The following NDE1 variants were observed in gnomAD, a reference collection of about 807,000 sequenced individuals.
NDE1 encodes the protein nudE neurodevelopment protein 1.
NDE1 carries 28 observed loss-of-function variants against 43.4 expected under a neutral mutation model. The ratio of observed to expected loss-of-function variants is 0.65; its 90% CI spans 0.48 to 0.89. The LOEUF (loss-of-function observed/expected upper bound fraction) is 0.89, where lower values mean the gene tolerates loss of function less well. NDE1 is among the 40% of genes least tolerant of loss of function. The probability of loss-of-function intolerance (pLI) is 0.00; values close to 1 mark genes in which losing one functional copy is unlikely to be tolerated. For missense variants in NDE1, 441 were observed against 434.1 expected (o/e 1.02, Z -0.14); for synonymous variants, 184 against 172.0 (o/e 1.07, Z -0.55).
At position 15,724,857 on chromosome 16, in the gene NDE1, G is replaced by A. The variant is rs2040671100; in HGVS notation, c.*606G>A. On this transcript the variant is annotated 3_prime_UTR_variant, in exon 9 of 9. Coordinates refer to ENST00000396354, the MANE Select transcript of NDE1 (RefSeq NM_017668.3). ...CTGCCCCGAGGAAGGCCACCCCCCA[G>A]GTCCCCTGGATGATGTGGCAGGACA... 6.2e-7 allele frequency: 1 copy of A among 1,613,834 alleles called. No homozygotes were observed. The highest frequency in any genetic ancestry group is 8.5e-7 in the Non-Finnish European group (1 of 1,179,968).
At chr16:15,677,452 G>A (rs989817413) in intron 3 of NDE1, among the ~76,000 whole-genome samples, 2 of 152,070 alleles carry the variant, frequency 1.3e-5, no homozygotes, top group Non-Finnish European at 1.5e-5. Context: ...CACTATTGTT[G>A]GTGGGTGGCT....
intron 8 of NDE1, chr16:15,714,827 T>C: frequency 6.4e-7 from 1 of 1,550,512 alleles, no homozygotes. Context: ...CAAGGGGCAT[T>C]TGCAGGCCGA....
In NDE1 at chr16:15,703,831, T is replaced by C. The variant is rs773950514; in HGVS notation, c.947+6971T>C. On this transcript the variant is annotated intron_variant, in intron 8 of 8. Transcript: ENST00000396354. ...GGTGGTGGTTTTTATATTCCTTGTG[T>C]GAGGGGTGTCTGTGATATTTGGAAT... is the stretch of plus-strand genomic sequence containing the variant. 7 of 958,472 alleles carry C rather than the reference T, an allele frequency of 7.3e-6. No individual in the cohort carries two copies. In the African/African-American group the frequency reaches 1.1e-4, roughly 15 times the overall value. 59.4% of individuals were successfully genotyped at this position (958,472 alleles called of 1,614,324 possible). A position where few individuals can be genotyped will look rare whatever the true frequency, so the allele number is the denominator to read the frequency against.
Position 15,667,432 on chromosome 16 carries a change from C to G in NDE1, c.230C>G (p.Thr77Ser). The G allele has an allele frequency of 6.2e-7, 1 of 1,613,744 alleles. No homozygotes were observed. The highest frequency in any genetic ancestry group is 8.5e-7 in the Non-Finnish European group (1 of 1,179,844). The change falls in exon 3 of 9, where the codon ACC becomes AGC. Residue 77 changes from threonine (T) to serine (S), a missense_variant. Transcript: ENST00000396354. ...ENNRLRMELE[T>S]IKEKFEVQHS... ...AACCGCCTTCGCATGGAGCTGGAAA[C>G]CATCAAGGTGAGGGGCTGAGAGGAA...
chr16:15,646,192 A>G (rs2036325873), upstream of NDE1, among the ~76,000 whole-genome samples: 1 of 152,238 alleles, frequency 6.6e-6, no homozygotes, highest in Non-Finnish European at 1.5e-5. Flanking sequence ...AGGCAACACC[A>G]GTACCTCATC....
chr16:15,644,233 A>G (rs1040630420), intron 1 of NDE1, among the ~76,000 whole-genome samples: 1 of 152,250 alleles, frequency 6.6e-6, no homozygotes, highest in Admixed American at 6.5e-5. Flanking sequence ...TTTGCAAAAG[A>G]ATCAGTAAGT....
At chr16:15,707,689 C>A (rs2039530479) in intron 8 of NDE1, among the ~76,000 whole-genome samples, 1 of 152,194 alleles carries the variant, frequency 6.6e-6, no homozygotes, top group African/African-American at 2.4e-5. Context: ...GGCCTAACTT[C>A]ACCTGTGAAA....
exon 1 of NDE1, chr16:15,643,900 G>T (rs1596528489): frequency 6.5e-6 from 1 of 152,786 alleles, no homozygotes. Context: ...CCAGTGACAG[G>T]TTGGGCGAGC....
chr16:15,710,688 G>GTTT (rs202074294), intron 8 of NDE1, among the ~76,000 whole-genome samples: 1 of 147,516 alleles, frequency 6.8e-6, no homozygotes, highest in Admixed American at 6.8e-5. Context: ...TTTGTTTTTT[G>GTTT]TTTTTTTTTT....
intron 8 of NDE1, among the ~76,000 whole-genome samples, chr16:15,716,193 A>G (rs2040123826): frequency 6.6e-6 from 1 of 152,150 alleles, no homozygotes; most frequent in Admixed American, 6.5e-5. Flanking sequence ...TCAGCCTCCC[A>G]AAGTGCCGGG....
chr16:15,672,798 T>A (rs563780282), intron 3 of NDE1: 1 of 152,226 alleles, frequency 6.6e-6, no homozygotes, highest in African/African-American at 2.4e-5. Flanking sequence ...CCTGTTTTAT[T>A]TGGAGATGTT....
chr16:15,688,689 C>CTTTTTATTTTTTTTTTTTTT (rs1277177970), intron 5 of NDE1, among the ~76,000 whole-genome samples: 2 of 59,990 alleles, frequency 3.3e-5, no homozygotes, highest in Non-Finnish European at 5.9e-5. Context: ...TTGTTTTTAC[C>CTTTTTATTTTTTTTTTTTTT]TTTTTTTTTT....
At chr16:15,720,743 A>C (rs2040424422) in intron 8 of NDE1, 1 of 1,296,466 alleles carries the variant, frequency 7.7e-7, no homozygotes, top group African/African-American at 1.6e-5. Flanking sequence ...AAAAAAAAAT[A>C]AAGAAAACGA....
At chr16:15,643,405 G>A (rs566801193) in exon 1 of NDE1, 75 of 479,420 alleles carry the variant, frequency 1.6e-4, no homozygotes, top group African/African-American at 1.4e-3. Flanking sequence ...CTTCCCCCTG[G>A]CTTCACGTTG....
intron 8 of NDE1, chr16:15,721,771 G>T: frequency 1.2e-6 from 1 of 833,576 alleles, no homozygotes; most frequent in Non-Finnish European, 2.0e-6. Flanking sequence ...AGCTATGGGA[G>T]TAATTTATAT....
At chr16:15,662,299 T>C (rs1457540349) in intron 1 of NDE1, among the ~76,000 whole-genome samples, 1 of 149,104 alleles carries the variant, frequency 6.7e-6, no homozygotes, top group Non-Finnish European at 1.5e-5. Context: ...TTTTTTTTTT[T>C]TGAGATGGAG....
rs78499094 is a variant in NDE1, at chr16:15,657,677, C to A, written c.-43-7059C>A. Among the ~76,000 whole-genome samples, 398 of 152,298 alleles carry A rather than the reference C, an allele frequency of 2.6e-3. 9 individuals are homozygous for A. In the East Asian group the frequency reaches 0.051, roughly 20 times the overall value. On this transcript the variant is annotated intron_variant, in intron 1 of 8. Transcript: ENST00000396354. The stretch of plus-strand genomic sequence containing the variant: ...TGCAGTGATCTTGGCTCACTGCAGC[C>A]TCCGCTTCTCAGGCTTAAGTGATTT...
chr16:15,701,416 T>G (rs1335706192), intron 8 of NDE1: 1 of 151,988 alleles, frequency 6.6e-6, no homozygotes. Context: ...AGTCCCCTGG[T>G]GGGGTGGGGG....
intron 1 of NDE1, among the ~76,000 whole-genome samples, chr16:15,662,039 TC>T (rs1347320445): frequency 6.6e-6 from 1 of 152,016 alleles, no homozygotes. Context: ...ACTCATGTGA[TC>T]CTCCTTCCTC....
Sources: gnomAD v4.1 joint callset for allele counts (sites outside exome capture counted in the v4.1 genomes callset) on GRCh38, gnomAD v4.1.1 for gene constraint, MANE v1.5 for transcripts, NCBI Gene and HGNC (gene_info 2026-07-23, HGNC 2026-07-21) for gene names.